SLC17A5: variants seen among roughly 807,000 people sequenced by gnomAD.
SLC17A5 encodes sialin.
Under a neutral mutation model 59.4 loss-of-function variants are expected in SLC17A5, and 47 were observed. That is an observed-to-expected ratio of 0.79 (90% CI 0.63 to 1.01). The LOEUF (loss-of-function observed/expected upper bound fraction) is 1.01, where lower values mean the gene tolerates loss of function less well. SLC17A5 is among the 50% of genes least tolerant of loss of function. The probability of loss-of-function intolerance (pLI) is 0.00; values close to 1 mark genes in which losing one functional copy is unlikely to be tolerated. For missense variants in SLC17A5, 522 were observed against 595.5 expected (o/e 0.88, Z 1.28); for synonymous variants, 202 against 210.7 (o/e 0.96, Z 0.36).
At chr6:73,651,236 G>A (rs2150125961) in intron 1 of SLC17A5, among the ~76,000 whole-genome samples, 1 of 152,098 alleles carries the variant, frequency 6.6e-6, no homozygotes, top group African/African-American at 2.4e-5. Context: ...CAAGGCGGGT[G>A]GATCACCTGA....
At position 73,643,824 on chromosome 6, in the gene SLC17A5, C is replaced by T. The variant is rs140287034; in HGVS notation, c.291+583G>A. Among the ~76,000 whole-genome samples, 134 of 152,270 alleles carry T rather than the reference C, an allele frequency of 8.8e-4. 1 individual carries two copies. Among genetic ancestry groups the T allele is most frequent in the Middle Eastern group, 3.4e-3 (1 of 294 alleles). On this transcript the variant is annotated intron_variant, in intron 2 of 10. Coordinates refer to ENST00000355773, the MANE Select transcript of SLC17A5 (RefSeq NM_012434.5). Reference sequence around the variant, plus strand: ...ATACTAGCTTTTCTTTCTGTACTATCTCCTCGTGTGATAAGCAACATAAAA... The same window carrying T: ...ATACTAGCTTTTCTTTCTGTACTATTTCCTCGTGTGATAAGCAACATAAAA...
At chr6:73,619,013 G>A (rs1561991581) in intron 7 of SLC17A5, among the ~76,000 whole-genome samples, 3 of 152,182 alleles carry the variant, frequency 2.0e-5, no homozygotes, top group South Asian at 4.1e-4. Context: ...GAGCCACTGC[G>A]CCCGGCCACT....
chr6:73,600,506 TTC>T (rs2150075967), intron 9 of SLC17A5, 65 bp from the exon 10 acceptor site: 31 of 1,121,168 alleles, frequency 2.8e-5, no homozygotes, highest in East Asian at 5.2e-5. Flanking sequence ...CATTCTTTCC[TTC>T]TTTTTTTTTT....
chr6:73,640,181 G>C (rs527512709), intron 3 of SLC17A5, among the ~76,000 whole-genome samples: 1 of 152,320 alleles, frequency 6.6e-6, no homozygotes, highest in East Asian at 1.9e-4. Flanking sequence ...TCAGCAAGGA[G>C]ATTGAATACT....
chr6:73,595,927 C>CATATACATATATATATATATACGTATAT (rs1766773704), intron 10 of SLC17A5, among the ~76,000 whole-genome samples: 1 of 744 alleles, frequency 1.3e-3, no homozygotes, highest in Non-Finnish European at 2.4e-3. Context: ...TATATATATA[C>CATATACATATATATATATATACGTATAT]ATATACATAT....
At chr6:73,638,881 A>G (rs1769150070) in intron 3 of SLC17A5, among the ~76,000 whole-genome samples, 1 of 152,234 alleles carries the variant, frequency 6.6e-6, no homozygotes, top group South Asian at 2.1e-4. Context: ...AAGGGTTACA[A>G]TAAATCTAAA....
At chr6:73,608,290 C>T (rs1021035888) in intron 9 of SLC17A5, among the ~76,000 whole-genome samples, 9 of 152,132 alleles carry the variant, frequency 5.9e-5, no homozygotes, top group Admixed American at 2.6e-4. Context: ...TCATGTGACT[C>T]AGTTTGGGTC....
chr6:73,615,721 G>A (rs1767823852), intron 7 of SLC17A5, among the ~76,000 whole-genome samples: 1 of 151,974 alleles, frequency 6.6e-6, no homozygotes, highest in Admixed American at 6.6e-5. Flanking sequence ...TCTGGGATCT[G>A]GGTTGTGAGA....
chr6:73,628,589 A>G (rs1240225079), intron 6 of SLC17A5, among the ~76,000 whole-genome samples: 1 of 93,672 alleles, frequency 1.1e-5, no homozygotes, highest in African/African-American at 4.1e-5. Flanking sequence ...CCACCCCCCA[A>G]AAAGGAAAAT....
At chr6:73,643,464 A>G (rs748449536) in intron 2 of SLC17A5, among the ~76,000 whole-genome samples, 9 of 139,702 alleles carry the variant, frequency 6.4e-5, no homozygotes, top group Non-Finnish European at 1.3e-4. Context: ...CCGGCCAAAA[A>G]TTTATTATTT....
intron 5 of SLC17A5, 147 bp downstream of exon 5, chr6:73,636,474 C>A: frequency 1.7e-6 from 1 of 605,078 alleles, no homozygotes; most frequent in Non-Finnish European, 3.0e-6. Context: ...TCAAGTAAAT[C>A]ATACCAACTT....
intron 9 of SLC17A5, among the ~76,000 whole-genome samples, chr6:73,601,001 C>T (rs553144145): frequency 1.2e-3 from 186 of 152,064 alleles, no homozygotes; most frequent in Non-Finnish European, 1.9e-3. Context: ...TGCCTGGCCG[C>T]CCATCGTCTG....
intron 8 of SLC17A5, among the ~76,000 whole-genome samples, chr6:73,612,253 C>T (rs1334277863): frequency 1.3e-5 from 2 of 151,860 alleles, no homozygotes; most frequent in East Asian, 3.9e-4. Flanking sequence ...ACCTCTGCCT[C>T]CCAGGTTCAA....
In SLC17A5 at chr6:73,610,399, C is replaced by T. The variant is rs146095590; in HGVS notation, c.1259+1G>A. On this transcript the variant is annotated splice_donor_variant, in intron 9 of 10. Transcript: ENST00000355773. LOFTEE classifies it high-confidence loss of function. ...CAGCAAATCTTTATATTAGTACTCA[C>T]GAAGGAGCAATATCCAGATGGTTGA... The T allele has an allele frequency of 9.3e-6, 15 of 1,613,778 alleles. No individual in the cohort carries two copies. Among genetic ancestry groups the T allele is most frequent in the Non-Finnish European group, 1.2e-5 (14 of 1,179,836 alleles).
At chr6:73,648,739 G>C (rs1257650480) in intron 1 of SLC17A5, among the ~76,000 whole-genome samples, 1 of 152,128 alleles carries the variant, frequency 6.6e-6, no homozygotes, top group Non-Finnish European at 1.5e-5. Flanking sequence ...ATCTGATGGA[G>C]GGGACAGTGG....
intron 10 of SLC17A5, 52 bp downstream of exon 10, chr6:73,600,299 C>T: frequency 7.8e-7 from 1 of 1,283,946 alleles, no homozygotes; most frequent in Non-Finnish European, 1.1e-6. Flanking sequence ...AACTTTGACA[C>T]AGATGTGCAG....
rs1245861961 is a variant in SLC17A5, at chr6:73,594,789, T to C, written c.*288A>G. 1.2e-5 allele frequency: 5 copies of C among 421,926 alleles called. No homozygotes were observed. Among genetic ancestry groups the C allele is most frequent in the Non-Finnish European group, 2.2e-5 (5 of 228,636 alleles). 26.1% of individuals were successfully genotyped at this position (421,926 alleles called of 1,614,324 possible). On this transcript the variant is annotated 3_prime_UTR_variant, in exon 11 of 11. Transcript: ENST00000355773. ...GAGGTCTGTTTCAGCTCATTCCCTT[T>C]AGTATGGCCCTAAAAAATCAACAGA...
At chr6:73,653,521 C>T in intron 1 of SLC17A5, 1 of 963,234 alleles carries the variant, frequency 1.0e-6, no homozygotes, top group Non-Finnish European at 1.2e-6. Flanking sequence ...CCCCCGCCCC[C>T]GCCCCCGCCC....
At chr6:73,636,771 G>T in intron 4 of SLC17A5, 64 bp from the exon 5 acceptor site, 1 of 1,172,470 alleles carries the variant, frequency 8.5e-7, no homozygotes, top group Non-Finnish European at 1.3e-6. Context: ...GGACAGACAA[G>T]TCTACTGCTT....
Sources: gnomAD v4.1 joint callset for allele counts (sites outside exome capture counted in the v4.1 genomes callset) on GRCh38, gnomAD v4.1.1 for gene constraint, MANE v1.5 for transcripts, NCBI Gene and HGNC (gene_info 2026-07-23, HGNC 2026-07-21) for gene names.